AMD1: variants seen among roughly 807,000 people sequenced by gnomAD.
The protein encoded by AMD1 is S-adenosylmethionine decarboxylase proenzyme.
AMD1 carries 11 observed loss-of-function variants against 40.2 expected under a neutral mutation model. That is an observed-to-expected ratio of 0.27 (90% CI 0.17 to 0.45). The LOEUF (loss-of-function observed/expected upper bound fraction) is 0.45, where lower values mean the gene tolerates loss of function less well. Among genes scored for constraint, AMD1 ranks in the 20% least tolerant of loss-of-function variants. AMD1 has a pLI of 1.00. For missense variants in AMD1, 257 were observed against 410.2 expected (o/e 0.63, Z 3.23); for synonymous variants, 121 against 130.8 (o/e 0.93, Z 0.51).
the AMD1 span, among the ~76,000 whole-genome samples, chr6:110,820,558 G>A: frequency 4.1e-4 from 62 of 151,664 alleles, no homozygotes; most frequent in Admixed American, 3.0e-3. Flanking sequence ...GTTTTTAGGG[G>A]AAATGAGTGG....
intron 1 of AMD1, chr6:110,875,540 C>T (rs141314930): frequency 0.018 from 4,206 of 232,406 alleles, 48 homozygotes; most frequent in Non-Finnish European, 0.027. Flanking sequence ...CGGCCCGCGC[C>T]TCCCGACATT....
upstream of AMD1, among the ~76,000 whole-genome samples, chr6:110,872,055 T>C (rs912873547): frequency 1.3e-5 from 2 of 152,184 alleles, no homozygotes; most frequent in Non-Finnish European, 2.9e-5. Context: ...CATTGAAAGA[T>C]TGAGTAAATG....
At chr6:110,875,445 G>A in intron 1 of AMD1, 1 of 479,154 alleles carries the variant, frequency 2.1e-6, no homozygotes, top group Non-Finnish European at 3.7e-6. Flanking sequence ...GCATTGCCCT[G>A]GGGGAGGGGA....
At chr6:110,880,736 A>C (rs1466579875) in intron 1 of AMD1, among the ~76,000 whole-genome samples, 1 of 151,962 alleles carries the variant, frequency 6.6e-6, no homozygotes, top group Non-Finnish European at 1.5e-5. Flanking sequence ...CAGTGGTGTG[A>C]TTTTTGGTGC....
At chr6:110,861,441 T>C in the AMD1 span, among the ~76,000 whole-genome samples, 4 of 136,788 alleles carry the variant, frequency 2.9e-5, no homozygotes, top group African/African-American at 5.6e-5. Context: ...GGAGGATCAC[T>C]TGAACCCAGG....
At chr6:110,884,339 A>C (rs1433908241) in intron 1 of AMD1, among the ~76,000 whole-genome samples, 1 of 152,274 alleles carries the variant, frequency 6.6e-6, no homozygotes, top group African/African-American at 2.4e-5. Context: ...ACTCAAAACC[A>C]GGAAAATCTT....
the AMD1 span, among the ~76,000 whole-genome samples, chr6:110,861,856 A>C: frequency 0.038 from 5,829 of 152,080 alleles, 135 homozygotes; most frequent in Middle Eastern, 0.071. Flanking sequence ...CACACACACA[A>C]AAAAAAGATT....
At chr6:110,827,612 A>T in the AMD1 span, among the ~76,000 whole-genome samples, 2 of 152,068 alleles carry the variant, frequency 1.3e-5, no homozygotes, top group South Asian at 4.1e-4. Context: ...TAAAAAGGCA[A>T]AAACTAGTCA....
At chr6:110,847,629 T>G in the AMD1 span, among the ~76,000 whole-genome samples, 1 of 152,136 alleles carries the variant, frequency 6.6e-6, no homozygotes, top group African/African-American at 2.4e-5. Context: ...GATGATAATC[T>G]CCTTTACTTA....
intron 1 of AMD1, among the ~76,000 whole-genome samples, chr6:110,886,905 A>C (rs1294789100): frequency 2.0e-5 from 3 of 152,260 alleles, no homozygotes; most frequent in African/African-American, 7.2e-5. Context: ...CTTCATGTCC[A>C]TATGACCTTC....
chr6:110,870,404 C>T (rs1194779980), upstream of AMD1, among the ~76,000 whole-genome samples: 1 of 152,150 alleles, frequency 6.6e-6, no homozygotes, highest in Non-Finnish European at 1.5e-5. Flanking sequence ...GTGGGCAGAT[C>T]ATCAGTCCAG....
the AMD1 span, chr6:110,858,898 C>T: frequency 1.3e-5 from 11 of 840,248 alleles, no homozygotes; most frequent in Middle Eastern, 7.1e-4. Flanking sequence ...GCCAGGTGGG[C>T]ATGACGGCTC....
chr6:110,865,518 C>T, the AMD1 span, among the ~76,000 whole-genome samples: 8 of 151,560 alleles, frequency 5.3e-5, no homozygotes, highest in East Asian at 5.9e-4. Flanking sequence ...CTCAGCCTCC[C>T]GAGTAGCTCG....
the AMD1 span, among the ~76,000 whole-genome samples, chr6:110,836,096 C>T: frequency 1.3e-5 from 2 of 148,840 alleles, no homozygotes; most frequent in Admixed American, 6.7e-5. Flanking sequence ...GTTATATATT[C>T]TCAAAGGGAA....
At chr6:110,841,328 T>G in the AMD1 span, among the ~76,000 whole-genome samples, 1 of 152,248 alleles carries the variant, frequency 6.6e-6, no homozygotes, top group Non-Finnish European at 1.5e-5. Context: ...CCTCCTTGCT[T>G]TGTGCTAATA....
intron 1 of AMD1, among the ~76,000 whole-genome samples, 182 bp from the exon 2 acceptor site, chr6:110,887,323 A>G (rs1226354376): frequency 1.3e-5 from 2 of 152,182 alleles, no homozygotes; most frequent in South Asian, 2.1e-4. Context: ...TTTCATATAT[A>G]GCATAATATA....
At chr6:110,844,585 T>C in the AMD1 span, among the ~76,000 whole-genome samples, 10 of 151,810 alleles carry the variant, frequency 6.6e-5, no homozygotes, top group Admixed American at 1.3e-4. Context: ...ATCGAGACCA[T>C]CGTGGCTAAC....
chr6:110,851,399 G>A, the AMD1 span, among the ~76,000 whole-genome samples: 1 of 152,136 alleles, frequency 6.6e-6, no homozygotes, highest in South Asian at 2.1e-4. Context: ...ACCATGCCAA[G>A]CCATAAGTAC....
At chr6:110,840,280 A>G in the AMD1 span, among the ~76,000 whole-genome samples, 169 of 152,150 alleles carry the variant, frequency 1.1e-3, no homozygotes, top group African/African-American at 3.9e-3. Flanking sequence ...CTCCAATTCA[A>G]TTCCGACACT....
Sources: allele counts gnomAD v4.1 joint callset (sites outside exome capture counted in the v4.1 genomes callset), GRCh38; gene constraint gnomAD v4.1.1; transcripts MANE v1.5; gene names NCBI Gene and HGNC (gene_info 2026-07-23, HGNC 2026-07-21).